The following KIFAP3 variants were observed in gnomAD, a reference collection of about 807,000 sequenced individuals.
KIFAP3 encodes the protein kinesin-associated protein 3.
KIFAP3 carries 68 observed loss-of-function variants against 106.5 expected under a neutral mutation model. The observed-to-expected ratio is 0.64, with a 90% CI of 0.53 to 0.78. The LOEUF (loss-of-function observed/expected upper bound fraction) is 0.78, where lower values mean the gene tolerates loss of function less well. Ranked by LOEUF, KIFAP3 falls within the 30% of genes least tolerant of loss-of-function variation. The pLI is 0.00. For missense variants in KIFAP3, 780 were observed against 941.8 expected (o/e 0.83, Z 2.25); for synonymous variants, 320 against 311.5 (o/e 1.03, Z -0.29).
At chr1:169,996,012 T>C (rs1333320592) in intron 10 of KIFAP3, among the ~76,000 whole-genome samples, 1 of 152,010 alleles carries the variant, frequency 6.6e-6, no homozygotes, top group Non-Finnish European at 1.5e-5. Flanking sequence ...TTATAATAAT[T>C]TCTACTGGCA....
chr1:170,032,120 A>T (rs1313243718), intron 7 of KIFAP3, 136 bp from the exon 8 acceptor site: 2 of 580,882 alleles, frequency 3.4e-6, no homozygotes, highest in African/African-American at 1.9e-5. Context: ...TTTAACTAAA[A>T]TGTTATCTGC....
At chr1:169,929,428 A>G (rs1252496496) in intron 19 of KIFAP3, among the ~76,000 whole-genome samples, 1 of 152,186 alleles carries the variant, frequency 6.6e-6, no homozygotes, top group Non-Finnish European at 1.5e-5. Flanking sequence ...ACTATAACAT[A>G]GCTTCTAAAA....
In KIFAP3 at chr1:169,982,790, A is replaced by C; in HGVS notation, c.1584T>G (p.Leu528=). 1.9e-6 allele frequency: 3 copies of C among 1,609,184 alleles called. No homozygotes were observed. The highest frequency in any genetic ancestry group is 2.2e-5 in the East Asian group (1 of 44,654). Residue 528 remains leucine, a synonymous_variant, in exon 14 of 20, where the codon CTT becomes CTG. Transcript: ENST00000361580. The part of the protein sequence containing the change: ...EEFVIECLGT[L]ANLTIPDLDW... ...CTAAGTCTGGAATGGTCAAGTTTGCAAGAGTTCCCAAACATTCAATCACAA... is the reference window on the plus strand; with the variant it reads ...CTAAGTCTGGAATGGTCAAGTTTGCCAGAGTTCCCAAACATTCAATCACAA...
upstream of KIFAP3, among the ~76,000 whole-genome samples, chr1:170,076,968 C>T (rs1671931123): frequency 6.6e-6 from 1 of 152,146 alleles, no homozygotes; most frequent in African/African-American, 2.4e-5. Context: ...CGGGTGGGGA[C>T]TTGGAGAACT....
In KIFAP3 at chr1:169,961,132, T is replaced by A; in HGVS notation, c.2087A>T (p.Glu696Val). Reference protein sequence around the residue: ...MVESRQMDESEQYLYGDDRIE... With the variant: ...MVESRQMDESVQYLYGDDRIE... Reference sequence around the variant, plus strand: ...TCGATCATCACCATACAAGTACTGCTCACTCTCATCCATCTGACGACTCTC... The same window carrying A: ...TCGATCATCACCATACAAGTACTGCACACTCTCATCCATCTGACGACTCTC... The change falls in exon 18 of 20, where the codon GAG (glutamate) becomes GTG (valine). Residue 696 changes from glutamate to valine, a missense_variant. Physicochemically the swap from Glu to Val is moderately radical, Grantham distance 121. Coordinates refer to ENST00000361580, the MANE Select transcript of KIFAP3 (RefSeq NM_014970.4). The A allele has an allele frequency of 1.2e-6, 2 of 1,613,772 alleles. No homozygotes were observed. The highest frequency in any genetic ancestry group is 1.7e-6 in the Non-Finnish European group (2 of 1,179,754).
chr1:169,965,999 T>A (rs1370459041), intron 17 of KIFAP3, among the ~76,000 whole-genome samples: 1 of 151,948 alleles, frequency 6.6e-6, no homozygotes, highest in Non-Finnish European at 1.5e-5. Context: ...CAGTTTTTTA[T>A]TGAATTATTG....
intron 7 of KIFAP3, among the ~76,000 whole-genome samples, chr1:170,032,452 T>C (rs1029319876): frequency 6.6e-6 from 1 of 151,768 alleles, no homozygotes; most frequent in Non-Finnish European, 1.5e-5. Context: ...TCTAAAGCTT[T>C]TGTAGCAGCC....
rs781339580 is a variant in KIFAP3 at position 169,982,715 on chromosome 1, A to G, written c.1659T>C (p.Asp553=). 21 of 1,591,436 alleles carry G rather than the reference A, an allele frequency of 1.3e-5. No individual in the cohort carries two copies. Among genetic ancestry groups the G allele is most frequent in the Non-Finnish European group, 1.8e-5 (21 of 1,168,586 alleles). The change falls in exon 14 of 20, where the codon GAT becomes GAC. Residue 553 remains aspartate, a synonymous_variant. Coordinates refer to ENST00000361580, the MANE Select transcript of KIFAP3 (RefSeq NM_014970.4). The part of the protein sequence containing the change: ...KEYKLVPYLK[D]KLKPGAAEDD... ...CTTAGCACAAACCTGGTTTTAGTTTATCCTTGAGGTATGGAACCAACTTAT... is the reference window on the plus strand; with the variant it reads ...CTTAGCACAAACCTGGTTTTAGTTTGTCCTTGAGGTATGGAACCAACTTAT...
intron 10 of KIFAP3, among the ~76,000 whole-genome samples, chr1:170,002,668 G>T (rs1667721380): frequency 6.6e-6 from 1 of 152,142 alleles, no homozygotes; most frequent in South Asian, 2.1e-4. Flanking sequence ...ACTGACCAGG[G>T]TGGCTCTGCT....
At chr1:170,017,573 C>G (rs16862943) in intron 9 of KIFAP3, among the ~76,000 whole-genome samples, 15,832 of 151,672 alleles carry the variant, frequency 0.1, 977 homozygotes, top group East Asian at 0.19. Flanking sequence ...TGAAGACTGG[C>G]AGAAGGCTAT....
chr1:170,029,328 G>A (rs987621515), intron 8 of KIFAP3, among the ~76,000 whole-genome samples: 4 of 151,972 alleles, frequency 2.6e-5, no homozygotes, highest in South Asian at 2.1e-4. Context: ...AATAGAAAAA[G>A]TACAGAAAAG....
At position 170,007,328 on chromosome 1, in the gene KIFAP3, A is replaced by C. The variant is rs2101977886; in HGVS notation, c.1183+9134T>G. 2.0e-5 allele frequency among the ~76,000 whole-genome samples: 3 copies of C among 151,974 alleles called. No individual in the cohort carries two copies. In the South Asian group the frequency reaches 6.2e-4, roughly 32 times the overall value. On this transcript the variant is annotated intron_variant, in intron 10 of 19. Transcript: ENST00000361580. Reference sequence around the variant, plus strand: ...GGGAGACAGAGAGGGAGATGGGCAGATAGGGAAAGAGAAACAGAAAGAGAT... The same window carrying C: ...GGGAGACAGAGAGGGAGATGGGCAGCTAGGGAAAGAGAAACAGAAAGAGAT...
At chr1:169,987,463 C>T (rs1459539485) in intron 11 of KIFAP3, among the ~76,000 whole-genome samples, 2 of 151,986 alleles carry the variant, frequency 1.3e-5, no homozygotes, top group Non-Finnish European at 2.9e-5. Context: ...AACTCTACCA[C>T]CCCCATCCCC....
chr1:169,932,374 T>C (rs1663541434), intron 19 of KIFAP3, among the ~76,000 whole-genome samples: 1 of 152,178 alleles, frequency 6.6e-6, no homozygotes, highest in Admixed American at 6.5e-5. Flanking sequence ...TTAATACTAG[T>C]ACTAAAAACT....
At position 170,074,493 on chromosome 1, in the gene KIFAP3, G is replaced by T; in HGVS notation, c.-26C>A. 6.2e-7 allele frequency: 1 copy of T among 1,610,402 alleles called. No homozygotes were observed. Among genetic ancestry groups the T allele is most frequent in the Non-Finnish European group, 8.5e-7 (1 of 1,177,324 alleles). On this transcript the variant is annotated 5_prime_UTR_variant, in exon 1 of 20. Transcript: ENST00000361580. ...GGCGGCAGCGGCAGCGGCGTGGAGA[G>T]GATGGGGTATCTTGAGAGGCAGGCG...
Position 169,981,993 on chromosome 1 carries a change from C to G in KIFAP3, c.1777G>C (p.Ala593Pro). The G allele has an allele frequency of 6.2e-7, 1 of 1,613,100 alleles. No individual in the cohort carries two copies. The highest frequency in any genetic ancestry group is 8.5e-7 in the Non-Finnish European group (1 of 1,179,276). ...ALLAKSGIIP[A>P]LIELLNAQQE... is the part of the protein sequence containing the mutation. The stretch of plus-strand genomic sequence containing the variant: ...TTACCATTTAGCAATTCAATGAGTG[C>G]AGGGATTATGCCAGATTTGGCTAGC... Residue 593 changes from alanine (A) to proline (P), a missense_variant, in exon 15 of 20, where the codon GCA becomes CCA. Ala to Pro is a conservative substitution (Grantham distance 27). Transcript: ENST00000361580.
At chr1:170,005,536 G>T (rs989954067) in intron 10 of KIFAP3, among the ~76,000 whole-genome samples, 13 of 152,048 alleles carry the variant, frequency 8.5e-5, no homozygotes, top group African/African-American at 2.7e-4. Flanking sequence ...CATAAAAAAT[G>T]ATGAGTTCAT....
At chr1:169,955,115 T>G (rs1664939571) in intron 18 of KIFAP3, among the ~76,000 whole-genome samples, 1 of 152,162 alleles carries the variant, frequency 6.6e-6, no homozygotes, top group Non-Finnish European at 1.5e-5. Flanking sequence ...AAAGTTTCCT[T>G]TTCTGAAAGT....
At chr1:170,027,507 T>C (rs1050723460) in intron 8 of KIFAP3, among the ~76,000 whole-genome samples, 1 of 152,144 alleles carries the variant, frequency 6.6e-6, no homozygotes, top group Non-Finnish European at 1.5e-5. Context: ...AAGGGAGATA[T>C]AATAAAAAAT....
Sources: allele counts gnomAD v4.1 joint callset (sites outside exome capture counted in the v4.1 genomes callset), GRCh38; gene constraint gnomAD v4.1.1; transcripts MANE v1.5; gene names NCBI Gene and HGNC (gene_info 2026-07-23, HGNC 2026-07-21).